DUSP16: variants seen among roughly 807,000 people sequenced by gnomAD.
DUSP16 encodes the protein dual specificity phosphatase 16.
A neutral mutation model predicts 58.3 loss-of-function variants in DUSP16; 21 were observed. That is an observed-to-expected ratio of 0.36 (90% CI 0.26 to 0.52). DUSP16 has a LOEUF of 0.52. DUSP16 is among the 20% of genes least tolerant of loss of function. The probability of loss-of-function intolerance (pLI) is 0.94; values close to 1 mark genes in which losing one functional copy is unlikely to be tolerated. For missense variants in DUSP16, 726 were observed against 819.0 expected (o/e 0.89, Z 1.39); for synonymous variants, 320 against 323.8 (o/e 0.99, Z 0.12).
At chr12:12,557,604 TTAAA>T (rs1210532155) in intron 1 of DUSP16, among the ~76,000 whole-genome samples, 7 of 152,218 alleles carry the variant, frequency 4.6e-5, no homozygotes, top group African/African-American at 1.4e-4. Context: ...CACATGAATA[TTAAA>T]AAGTTATAAC....
chr12:12,531,564 C>G (rs946869180), intron 1 of DUSP16, among the ~76,000 whole-genome samples: 3 of 152,148 alleles, frequency 2.0e-5, no homozygotes, highest in Non-Finnish European at 4.4e-5. Flanking sequence ...TTAAGCAAGA[C>G]ATATGCATGA....
chr12:12,529,694 A>G (rs571834214), intron 1 of DUSP16, among the ~76,000 whole-genome samples: 1 of 152,274 alleles, frequency 6.6e-6, no homozygotes, highest in African/African-American at 2.4e-5. Context: ...TCCCCTCCCC[A>G]TTAAACATCC....
At chr12:12,495,405 AAC>A (rs1213860665) in intron 4 of DUSP16, among the ~76,000 whole-genome samples, 12 of 152,194 alleles carry the variant, frequency 7.9e-5, no homozygotes, top group African/African-American at 2.7e-4. Flanking sequence ...TTCTAGTTTC[AAC>A]ACACAGTTGA....
chr12:12,517,744 A>C (rs1421360841), intron 3 of DUSP16, among the ~76,000 whole-genome samples: 4 of 152,254 alleles, frequency 2.6e-5, no homozygotes, highest in Admixed American at 2.6e-4. Flanking sequence ...CTAAGCTAAT[A>C]GAAACACAGG....
In DUSP16 at chr12:12,475,697, TCTC is replaced by T. The variant is rs1943417295; in HGVS notation, c.*1133_*1135del. 2 of 152,208 alleles carry T rather than the reference TCTC, an allele frequency of 1.3e-5. No individual in the cohort carries two copies. The highest frequency in any genetic ancestry group is 2.4e-5 in the African/African-American group (1 of 41,450). 9.4% of individuals were successfully genotyped at this position (152,208 alleles called of 1,614,324 possible). A position where few individuals can be genotyped will look rare whatever the true frequency, so the allele number is the denominator to read the frequency against. On this transcript the variant is annotated 3_prime_UTR_variant, in exon 7 of 7. Transcript: ENST00000298573. Reference sequence around the variant, plus strand: ...CCACTAAGGAAACAGGTTTCCTGCTTCTCCTCAGCAATTTGTACCTTTCTTAAT... The same window carrying T: ...CCACTAAGGAAACAGGTTTCCTGCTTCTCAGCAATTTGTACCTTTCTTAAT...
chr12:12,554,196 C>CCA (rs1944774909), intron 1 of DUSP16, among the ~76,000 whole-genome samples: 2 of 66,160 alleles, frequency 3.0e-5, no homozygotes, highest in Non-Finnish European at 6.1e-5. Context: ...AACTGGGTCT[C>CCA]AAAAAAAAAA....
intron 5 of DUSP16, among the ~76,000 whole-genome samples, chr12:12,482,022 G>A (rs1386422583): frequency 6.6e-6 from 1 of 152,218 alleles, no homozygotes; most frequent in Non-Finnish European, 1.5e-5. Context: ...GTGTATGTGT[G>A]AGAATATGTG....
At chr12:12,537,421 C>A (rs1271292341) in intron 1 of DUSP16, among the ~76,000 whole-genome samples, 1 of 152,202 alleles carries the variant, frequency 6.6e-6, no homozygotes, top group Non-Finnish European at 1.5e-5. Context: ...ATATATGATT[C>A]AGTACCAGGC....
intron 4 of DUSP16, among the ~76,000 whole-genome samples, chr12:12,499,119 C>G (rs1329892115): frequency 6.6e-6 from 1 of 152,140 alleles, no homozygotes; most frequent in Non-Finnish European, 1.5e-5. Context: ...GTAACAAAAA[C>G]TATCTGTAAC....
At chr12:12,527,521 G>A (rs1006236808) in intron 1 of DUSP16, among the ~76,000 whole-genome samples, 5 of 151,952 alleles carry the variant, frequency 3.3e-5, no homozygotes, top group African/African-American at 1.2e-4. Context: ...AACTTGGTGC[G>A]GCAAACCACC....
chr12:12,477,388 G>A lies in DUSP16; in HGVS notation c.1443C>T (p.Ser481=). The A allele has an allele frequency of 6.2e-7, 1 of 1,613,206 alleles. No individual in the cohort carries two copies. The highest frequency in any genetic ancestry group is 1.3e-5 in the African/African-American group (1 of 75,020). Residue 481 remains serine (S), a synonymous_variant, in exon 7 of 7, where the codon AGC becomes AGT. Transcript: ENST00000298573. The surrounding 1 kb of genome is among the most constrained non-coding windows in gnomAD (Gnocchi z 4.1). ...TGGTTCTGACCGAATGCAATCGCTT[G>A]CTCTGGCTGTCTGAAGGCCTGGCGG... The part of the protein sequence containing the change: ...LQTARPSDSQ[S]KRLHSVRTSS...
Position 12,520,013 on chromosome 12 carries a change from C to T in DUSP16, c.229-13G>A, listed in dbSNP as rs967605339. 3 of 1,613,818 alleles carry T rather than the reference C, an allele frequency of 1.9e-6. No individual in the cohort carries two copies. The African/African-American group carries it at 4.0e-5, about 22-fold the overall frequency. ...AATCAATGTCAACCTGAAATGCAAA[C>T]ATGAGGCTTGTTAGGAAGAAGGTGA... is the stretch of plus-strand genomic sequence containing the variant. On this transcript the variant is annotated splice_polypyrimidine_tract_variant and intron_variant, in intron 2 of 6. Transcript: ENST00000298573.
chr12:12,542,013 C>T (rs989252405), intron 1 of DUSP16, among the ~76,000 whole-genome samples: 2 of 152,084 alleles, frequency 1.3e-5, no homozygotes, highest in Non-Finnish European at 2.9e-5. Context: ...GGGAGAACCC[C>T]AAAAACGTTA....
chr12:12,512,684 T>C (rs751061121), intron 3 of DUSP16, among the ~76,000 whole-genome samples: 88 of 152,338 alleles, frequency 5.8e-4, no homozygotes, highest in Middle Eastern at 3.4e-3. Flanking sequence ...TTCCATTGTG[T>C]GTGTATGTGT....
rs1943468858 is a variant in DUSP16, at chr12:12,477,390, T to C, written c.1441A>G (p.Ser481Gly). The C allele has an allele frequency of 1.2e-6, 2 of 1,613,188 alleles. No homozygotes were observed. The highest frequency in any genetic ancestry group is 2.2e-5 in the South Asian group (2 of 91,006). Reference protein sequence around the residue: ...LQTARPSDSQSKRLHSVRTSS... With the variant: ...LQTARPSDSQGKRLHSVRTSS... ...GTTCTGACCGAATGCAATCGCTTGC[T>C]CTGGCTGTCTGAAGGCCTGGCGGTC... Residue 481 changes from serine (S) to glycine (G), a missense_variant, in exon 7 of 7, where the codon AGC (serine) becomes GGC (glycine). Transcript: ENST00000298573. The surrounding 1 kb of genome is among the most constrained non-coding windows in gnomAD (Gnocchi z 4.1).
intron 1 of DUSP16, among the ~76,000 whole-genome samples, chr12:12,549,431 A>C (rs1185573510): frequency 2.0e-5 from 3 of 152,060 alleles, no homozygotes; most frequent in African/African-American, 7.2e-5. Flanking sequence ...CTGATCCTGG[A>C]GTCTTCCTCC....
chr12:12,478,068 T>A, intron 6 of DUSP16, 53 bp from the exon 7 acceptor site: 1 of 1,357,804 alleles, frequency 7.4e-7, no homozygotes, highest in Non-Finnish European at 1.0e-6. Flanking sequence ...CACTTTATCT[T>A]AAGAATATTA....
At position 12,473,317 on chromosome 12, in the gene DUSP16, A is replaced by C. The variant is rs570101874; in HGVS notation, c.*3516T>G. Among the ~76,000 whole-genome samples, 55 of 152,270 alleles carry C rather than the reference A, an allele frequency of 3.6e-4. 1 individual carries two copies. The highest frequency in any genetic ancestry group is 2.2e-3 in the Admixed American group (34 of 15,290). ...TGGTCTAATTGTAGTTGTCACATCC[A>C]AACCAGTCCTCCAACAATAGCCTGC... On this transcript the variant is annotated 3_prime_UTR_variant, in exon 7 of 7. Transcript: ENST00000298573.
rs370006971 is a variant in DUSP16 at position 12,487,119 on chromosome 12, A to G, written c.600T>C (p.Phe200=). The G allele has an allele frequency of 1.9e-6, 3 of 1,614,084 alleles. No homozygotes were observed. Among genetic ancestry groups the G allele is most frequent in the African/African-American group, 1.3e-5 (1 of 74,934 alleles). The change falls in exon 5 of 7, where the codon TTT becomes TTC. Residue 200 remains phenylalanine (F), a synonymous_variant. Coordinates refer to ENST00000298573, the MANE Select transcript of DUSP16 (RefSeq NM_030640.3). The part of the protein sequence containing the change: ...NASNTCPKPD[F]IPESHFLRVP... ...CACGCAGGAAATGAGACTCGGGGAT[A>G]AAGTCAGGCTTTGGACAGGTATTGC...
Sources: allele counts gnomAD v4.1 joint callset (sites outside exome capture counted in the v4.1 genomes callset), GRCh38; gene constraint gnomAD v4.1.1; non-coding constraint Gnocchi (gnomAD v3.1); transcripts MANE v1.5; gene names NCBI Gene and HGNC (gene_info 2026-07-23, HGNC 2026-07-21).